SFMBT2: variants seen among roughly 807,000 people sequenced by gnomAD.
The protein encoded by SFMBT2 is Scm like with four mbt domains 2, also known as scm-like with four MBT domains protein 2.
SFMBT2 carries 38 observed loss-of-function variants against 110.1 expected under a neutral mutation model. The ratio of observed to expected loss-of-function variants is 0.35; its 90% confidence interval spans 0.27 to 0.45. The LOEUF is 0.45. Among genes scored for constraint, SFMBT2 ranks in the 20% least tolerant of loss-of-function variants. The pLI is 1.00. For synonymous variants in SFMBT2, 425 were observed against 425.4 expected (o/e 1.00, Z 0.01); for missense variants, 1,011 against 1,094.9 (o/e 0.92, Z 1.08).
chr10:7,275,289 G>C (rs1841735787), intron 7 of SFMBT2, among the ~76,000 whole-genome samples: 1 of 152,148 alleles, frequency 6.6e-6, no homozygotes, highest in Non-Finnish European at 1.5e-5. Flanking sequence ...TTTTTTCAAG[G>C]GTGAAGGATG....
At chr10:7,261,301 G>A (rs569549295) in intron 7 of SFMBT2, among the ~76,000 whole-genome samples, 3 of 152,264 alleles carry the variant, frequency 2.0e-5, no homozygotes, top group East Asian at 1.9e-4. Context: ...ATGCTATCCC[G>A]AAAGGTCTGA....
At chr10:7,247,513 C>A (rs7905470) in intron 8 of SFMBT2, among the ~76,000 whole-genome samples, 10,725 of 152,236 alleles carry the variant, frequency 0.07, 891 homozygotes, top group African/African-American at 0.2. Context: ...ATTTTTATAA[C>A]CAATTTCCAT....
chr10:7,363,126 G>C (rs1036378387), intron 4 of SFMBT2, among the ~76,000 whole-genome samples: 11 of 152,166 alleles, frequency 7.2e-5, no homozygotes, highest in African/African-American at 2.7e-4. Flanking sequence ...TGTTGTGGGA[G>C]GGACCCAGTG....
chr10:7,257,656 T>G (rs1564408551), intron 7 of SFMBT2, among the ~76,000 whole-genome samples: 1 of 152,242 alleles, frequency 6.6e-6, no homozygotes. Flanking sequence ...TGGGCCTGCC[T>G]GAACTTGACT....
At chr10:7,307,246 GTAT>G (rs1842722952) in intron 4 of SFMBT2, among the ~76,000 whole-genome samples, 1 of 152,132 alleles carries the variant, frequency 6.6e-6, no homozygotes, top group South Asian at 2.1e-4. Context: ...AGAGAACTCA[GTAT>G]TATAAAGATG....
At chr10:7,379,968 C>T (rs1845377643) in intron 2 of SFMBT2, among the ~76,000 whole-genome samples, 1 of 151,536 alleles carries the variant, frequency 6.6e-6, no homozygotes, top group Non-Finnish European at 1.5e-5. Flanking sequence ...ACCGTGTGCA[C>T]ATGAAAAGCC....
rs1554802843 is a variant in SFMBT2 at position 7,315,038 on chromosome 10, G to GAGAAAGAAAGAAA, written c.437-29097_437-29085dup. ...AAGAAAAGAGAGAGAAAGAAAGAAA[G>GAGAAAGAAAGAAA]AGAAAGAAAGAAAGAAAGAAAGAAA... On this transcript the variant is annotated intron_variant, in intron 4 of 20. Coordinates refer to ENST00000397167, the MANE Select transcript of SFMBT2 (RefSeq NM_001387889.1). 4.7e-3 allele frequency among the ~76,000 whole-genome samples: 389 copies of GAGAAAGAAAGAAA among 82,248 alleles called. 3 individuals carry two copies. The highest frequency in any genetic ancestry group is 0.018 in the African/African-American group (359 of 19,426). The allele number at this position is 82,248 out of a possible 152,430, so 54.0% of individuals were successfully genotyped here. A position where few individuals can be genotyped will look rare whatever the true frequency, so the allele number is the denominator to read the frequency against.
chr10:7,229,727 G>T (rs1326527002), intron 9 of SFMBT2, among the ~76,000 whole-genome samples: 2 of 145,652 alleles, frequency 1.4e-5, no homozygotes, highest in East Asian at 2.0e-4. Context: ...TGTTGTTGTT[G>T]TTTTTTTTTT....
intron 11 of SFMBT2, among the ~76,000 whole-genome samples, chr10:7,219,299 C>A (rs958866271): frequency 1.3e-5 from 2 of 152,166 alleles, no homozygotes; most frequent in East Asian, 1.9e-4. Context: ...TACTTGAAAA[C>A]CTACTAAGCA....
intron 11 of SFMBT2, among the ~76,000 whole-genome samples, chr10:7,212,978 G>C (rs1292854021): frequency 6.6e-6 from 1 of 151,892 alleles, no homozygotes; most frequent in Non-Finnish European, 1.5e-5. Flanking sequence ...ACTAACACAG[G>C]AACAGAAAAC....
rs571995585 is a variant in SFMBT2 at position 7,322,602 on chromosome 10, G to A, written c.437-36648C>T. ...TTAAGAATTTGAAATGAAAACTTAT[G>A]GAAGACACACACACACACACACACA... On this transcript the variant is annotated intron_variant, in intron 4 of 20. Transcript: ENST00000397167. Among the ~76,000 whole-genome samples, 68 of 127,996 alleles carry A rather than the reference G, an allele frequency of 5.3e-4. 1 individual carries two copies. Among genetic ancestry groups the A allele is most frequent in the African/African-American group, 2.4e-3 (65 of 27,196 alleles). 84.0% of individuals were successfully genotyped at this position (127,996 alleles called of 152,430 possible).
At chr10:7,368,550 T>C (rs1396471138) in intron 3 of SFMBT2, among the ~76,000 whole-genome samples, 2 of 152,220 alleles carry the variant, frequency 1.3e-5, no homozygotes, top group Non-Finnish European at 2.9e-5. Flanking sequence ...CATACGGACC[T>C]GGGGACTTCT....
intron 4 of SFMBT2, among the ~76,000 whole-genome samples, chr10:7,306,316 AC>A (rs1169332589): frequency 1.3e-5 from 2 of 152,236 alleles, no homozygotes; most frequent in African/African-American, 4.8e-5. Flanking sequence ...AGTGTTTTTC[AC>A]ATTTTTAAAT....
intron 4 of SFMBT2, among the ~76,000 whole-genome samples, chr10:7,361,183 A>C (rs1281222489): frequency 6.6e-6 from 1 of 152,202 alleles, no homozygotes; most frequent in Non-Finnish European, 1.5e-5. Flanking sequence ...ATATATACTA[A>C]ATTTTCTTAT....
At chr10:7,396,975 A>G (rs926218074) in intron 1 of SFMBT2, among the ~76,000 whole-genome samples, 2 of 151,932 alleles carry the variant, frequency 1.3e-5, no homozygotes, top group African/African-American at 4.8e-5. Context: ...TAATGGGTGC[A>G]GCACACCAAC....
At chr10:7,357,044 A>T (rs1288825415) in intron 4 of SFMBT2, among the ~76,000 whole-genome samples, 1 of 152,240 alleles carries the variant, frequency 6.6e-6, no homozygotes, top group Non-Finnish European at 1.5e-5. Context: ...AATTCCTACC[A>T]GAGCTTTCTG....
In SFMBT2 at chr10:7,170,472, C is replaced by T. The variant is rs571981427; in HGVS notation, c.2544+456G>A. On this transcript the variant is annotated intron_variant, in intron 20 of 20. Coordinates refer to ENST00000397167, the MANE Select transcript of SFMBT2 (RefSeq NM_001387889.1). This position sits in a 1 kb window ranked among gnomAD's most constrained non-coding sequence, Gnocchi z 4.6. ...TGTGCTATCCTGACTTCCGGCCTGG[C>T]CAGGTGGCAACTGGGCACCCCATCC... 6.6e-6 allele frequency among the ~76,000 whole-genome samples: 1 copy of T among 152,282 alleles called. No homozygotes were observed. Among genetic ancestry groups the T allele is most frequent in the African/African-American group, 2.4e-5 (1 of 41,564 alleles).
intron 7 of SFMBT2, among the ~76,000 whole-genome samples, chr10:7,272,461 C>T (rs549210569): frequency 2.6e-5 from 4 of 152,282 alleles, no homozygotes; most frequent in South Asian, 2.1e-4. Context: ...CAGATATGTC[C>T]GAAACCGGGG....
chr10:7,327,366 T>TAAA (rs1385586093), intron 4 of SFMBT2, among the ~76,000 whole-genome samples: 1 of 152,020 alleles, frequency 6.6e-6, no homozygotes, highest in Non-Finnish European at 1.5e-5. Flanking sequence ...ATCTTCACAG[T>TAAA]CACATCCTTC....
Sources: gnomAD v4.1 joint callset for allele counts (sites outside exome capture counted in the v4.1 genomes callset) on GRCh38, gnomAD v4.1.1 for gene constraint, Gnocchi (gnomAD v3.1) non-coding constraint, MANE v1.5 for transcripts, NCBI Gene and HGNC (gene_info 2026-07-23, HGNC 2026-07-21) for gene names.